The following MYO3B variants were observed in gnomAD, a reference collection of about 807,000 sequenced individuals.
MYO3B encodes the protein myosin-IIIb.
A neutral mutation model predicts 174.6 loss-of-function variants in MYO3B; 156 were observed. The observed-to-expected ratio is 0.89, with a 90% CI of 0.78 to 1.02. The LOEUF is 1.02. MYO3B is among the 50% of genes least tolerant of loss of function. MYO3B has a pLI of 0.00. For synonymous variants in MYO3B, 563 were observed against 569.1 expected, an observed-to-expected ratio of 0.99 and a Z score of 0.15; for missense variants, 1,632 against 1,639.4, an observed-to-expected ratio of 1.00 and a Z score of 0.08.
At chr2:170,299,223 A>G (rs1315712460) in intron 7 of MYO3B, among the ~76,000 whole-genome samples, 1 of 152,238 alleles carries the variant, frequency 6.6e-6, no homozygotes, top group Non-Finnish European at 1.5e-5. Context: ...GTGTCTTAAT[A>G]ATCTCTGAGG....
chr2:170,427,017 C>CA (rs71399535), intron 22 of MYO3B, among the ~76,000 whole-genome samples: 25,585 of 139,122 alleles, frequency 0.18, 2,166 homozygotes, highest in South Asian at 0.27. Context: ...GACTCAGTCT[C>CA]AAAAAAAAAA....
intron 7 of MYO3B, among the ~76,000 whole-genome samples, chr2:170,252,984 C>T (rs2093269463): frequency 6.6e-6 from 1 of 152,074 alleles, no homozygotes; most frequent in Non-Finnish European, 1.5e-5. Context: ...CATGTAGTGC[C>T]TTATGAGTTA....
At chr2:170,293,304 A>G (rs111245162) in intron 7 of MYO3B, among the ~76,000 whole-genome samples, 1 of 152,100 alleles carries the variant, frequency 6.6e-6, no homozygotes. Context: ...ATTAGAAAAG[A>G]TTTATTTTTG....
chr2:170,261,921 A>ATG (rs1211208814), intron 7 of MYO3B, among the ~76,000 whole-genome samples: 4 of 152,204 alleles, frequency 2.6e-5, no homozygotes, highest in African/African-American at 9.7e-5. Flanking sequence ...GTGTATATAT[A>ATG]TGTGTGTGTA....
At chr2:170,652,177 C>A (rs746321016) in intron 34 of MYO3B, 23 bp downstream of exon 34, 10 of 1,609,130 alleles carry the variant, frequency 6.2e-6, no homozygotes, top group Non-Finnish European at 8.5e-6. Context: ...CTTCTTAGTT[C>A]TAAGCAACTG....
intron 32 of MYO3B, among the ~76,000 whole-genome samples, chr2:170,624,859 G>A (rs1194952250): frequency 2.6e-5 from 4 of 152,158 alleles, no homozygotes; most frequent in African/African-American, 9.7e-5. Context: ...TTTATATGAT[G>A]GATTAAGTTT....
intron 32 of MYO3B, among the ~76,000 whole-genome samples, chr2:170,608,590 A>G (rs1038138723): frequency 6.6e-6 from 1 of 151,240 alleles, no homozygotes; most frequent in Non-Finnish European, 1.5e-5. Flanking sequence ...TCAGAACAAC[A>G]TCACCCAATA....
chr2:170,275,566 T>G (rs141723668), intron 7 of MYO3B, among the ~76,000 whole-genome samples: 14 of 152,342 alleles, frequency 9.2e-5, no homozygotes, highest in Non-Finnish European at 1.5e-4. Flanking sequence ...TTCGTAGTTA[T>G]GCTGAGTACT....
At chr2:170,242,469 G>A (rs776067905) in intron 7 of MYO3B, among the ~76,000 whole-genome samples, 1 of 152,148 alleles carries the variant, frequency 6.6e-6, no homozygotes, top group Non-Finnish European at 1.5e-5. Flanking sequence ...GCCCCAGAAG[G>A]CTTTCACTCT....
intron 8 of MYO3B, among the ~76,000 whole-genome samples, chr2:170,352,375 T>A (rs1249138800): frequency 6.6e-6 from 1 of 152,176 alleles, no homozygotes; most frequent in Non-Finnish European, 1.5e-5. Context: ...AAAAACAATG[T>A]CTAGTTTCTA....
chr2:170,497,262 CTA>C (rs78210537), intron 25 of MYO3B, among the ~76,000 whole-genome samples: 141,071 of 152,134 alleles, frequency 0.93, 66,282 homozygotes, highest in East Asian at 1. Flanking sequence ...GGGTAATAAA[CTA>C]TTTTTTCGAT....
intron 22 of MYO3B, among the ~76,000 whole-genome samples, chr2:170,414,213 G>C (rs574426478): frequency 6.6e-6 from 1 of 152,040 alleles, no homozygotes; most frequent in South Asian, 2.1e-4. Flanking sequence ...TTGAGATGGA[G>C]TTTCACTCTT....
intron 25 of MYO3B, among the ~76,000 whole-genome samples, chr2:170,471,553 C>G (rs1312659584): frequency 6.6e-6 from 1 of 152,024 alleles, no homozygotes. Context: ...GATCTATGGT[C>G]CATTTGGATT....
Position 170,295,784 on chromosome 2 carries a change from C to T in MYO3B, c.750-39601C>T, listed in dbSNP as rs879776903. Among the ~76,000 whole-genome samples, 54 of 152,210 alleles carry T rather than the reference C, an allele frequency of 3.5e-4. 1 individual carries two copies. The highest frequency in any genetic ancestry group is 1.3e-3 in the African/African-American group (52 of 41,540). ...CTTTGTAAAAATATCTTTATTTCTT[C>T]TTTATTATAAGACATATTTACTGTT... On this transcript the variant is annotated intron_variant, in intron 7 of 34. Transcript: ENST00000408978.
intron 7 of MYO3B, among the ~76,000 whole-genome samples, chr2:170,291,142 G>A (rs1408379009): frequency 3.3e-5 from 5 of 151,884 alleles, no homozygotes; most frequent in African/African-American, 4.8e-5. Flanking sequence ...TCAGCTACTC[G>A]GGAGGCTGAG....
intron 1 of MYO3B, among the ~76,000 whole-genome samples, chr2:170,186,628 C>T (rs1205404510): frequency 1.3e-5 from 2 of 151,982 alleles, no homozygotes; most frequent in Admixed American, 6.6e-5. Context: ...AGGCTAATAC[C>T]GGCCCCATAA....
At chr2:170,609,572 GA>G (rs1695013890) in intron 32 of MYO3B, among the ~76,000 whole-genome samples, 2 of 152,048 alleles carry the variant, frequency 1.3e-5, no homozygotes, top group African/African-American at 2.4e-5. Context: ...ACAAGAACCA[GA>G]AAAAAAATCT....
intron 32 of MYO3B, among the ~76,000 whole-genome samples, chr2:170,560,223 C>G (rs1691615332): frequency 6.6e-6 from 1 of 152,174 alleles, no homozygotes; most frequent in South Asian, 2.1e-4. Flanking sequence ...TCGATACTAC[C>G]ACAAGTCTCA....
chr2:170,522,074 T>C (rs1688701946), intron 30 of MYO3B, among the ~76,000 whole-genome samples: 1 of 152,184 alleles, frequency 6.6e-6, no homozygotes, highest in Admixed American at 6.5e-5. Flanking sequence ...ATTCTTCTTC[T>C]CTTCCGCTTA....
Sources: gnomAD v4.1 joint callset for allele counts (sites outside exome capture counted in the v4.1 genomes callset) on GRCh38, gnomAD v4.1.1 for gene constraint, MANE v1.5 for transcripts, NCBI Gene and HGNC (gene_info 2026-07-23, HGNC 2026-07-21) for gene names.